AUTS2: variants seen among roughly 807,000 people sequenced by gnomAD.
AUTS2 encodes the protein activator of transcription and developmental regulator AUTS2.
Under a neutral mutation model 112.4 loss-of-function variants are expected in AUTS2, and 17 were observed. The ratio of observed to expected loss-of-function variants is 0.15; its 90% CI spans 0.10 to 0.23. The LOEUF (loss-of-function observed/expected upper bound fraction) is 0.23. Ranked by LOEUF, AUTS2 falls within the 10% of genes least tolerant of loss-of-function variation. The pLI is 1.00. For missense variants in AUTS2, 1,510 were observed against 1,701.6 expected (o/e 0.89, Z 1.98); for synonymous variants, 751 against 702.7 (o/e 1.07, Z -1.09).
chr7:70,478,171 T>G (rs1257981370), intron 5 of AUTS2, among the ~76,000 whole-genome samples: 1 of 152,198 alleles, frequency 6.6e-6, no homozygotes, highest in African/African-American at 2.4e-5. Context: ...TTCTGAAAAG[T>G]AACATGGATT....
chr7:70,676,996 T>C (rs986723521), intron 5 of AUTS2, among the ~76,000 whole-genome samples: 4 of 152,234 alleles, frequency 2.6e-5, no homozygotes, highest in African/African-American at 9.6e-5. Context: ...TAACATTTAA[T>C]ATGTAACCTA....
intron 2 of AUTS2, among the ~76,000 whole-genome samples, chr7:69,928,153 A>C (rs954686671): frequency 1.3e-5 from 2 of 152,186 alleles, no homozygotes; most frequent in African/African-American, 2.4e-5. Flanking sequence ...AGGTAGTCCC[A>C]GTGAGTCCCT....
intron 5 of AUTS2, among the ~76,000 whole-genome samples, chr7:70,524,906 A>G (rs1799780243): frequency 6.6e-6 from 1 of 152,222 alleles, no homozygotes; most frequent in Admixed American, 6.5e-5. Flanking sequence ...GAGAGTGGTA[A>G]AAGTTTATGT....
intron 2 of AUTS2, among the ~76,000 whole-genome samples, chr7:69,903,993 A>G (rs1404508683): frequency 6.6e-6 from 1 of 152,234 alleles, no homozygotes; most frequent in Non-Finnish European, 1.5e-5. Flanking sequence ...AAAAGTGTCT[A>G]CTGCTTTCTA....
At chr7:70,708,614 T>G (rs1167731712) in intron 6 of AUTS2, among the ~76,000 whole-genome samples, 2 of 151,998 alleles carry the variant, frequency 1.3e-5, no homozygotes, top group African/African-American at 4.8e-5. Flanking sequence ...CCTTAAGACT[T>G]TCTTAGGTGG....
At chr7:70,584,560 C>T (rs1802598070) in intron 5 of AUTS2, among the ~76,000 whole-genome samples, 1 of 152,234 alleles carries the variant, frequency 6.6e-6, no homozygotes, top group Non-Finnish European at 1.5e-5. Flanking sequence ...TGCCTAAATA[C>T]AGAGCCAGAA....
At chr7:70,735,739 C>G (rs770521745) in intron 6 of AUTS2, among the ~76,000 whole-genome samples, 5 of 152,052 alleles carry the variant, frequency 3.3e-5, no homozygotes, top group African/African-American at 4.8e-5. Context: ...TATTAGAATG[C>G]TTGTTAAGAG....
intron 1 of AUTS2, among the ~76,000 whole-genome samples, chr7:69,816,726 T>G (rs1001800948): frequency 2.6e-5 from 4 of 152,218 alleles, no homozygotes; most frequent in Non-Finnish European, 4.4e-5. Context: ...ATTCTTTTTG[T>G]AGATATGAGG....
At chr7:69,735,787 G>T (rs576489427) in intron 1 of AUTS2, among the ~76,000 whole-genome samples, 13 of 152,230 alleles carry the variant, frequency 8.5e-5, no homozygotes, top group Non-Finnish European at 1.5e-4. Flanking sequence ...CTGATTTGCT[G>T]CTGTAGACAG....
intron 4 of AUTS2, among the ~76,000 whole-genome samples, chr7:70,193,979 AT>A (rs1810038261): frequency 6.6e-6 from 1 of 152,228 alleles, no homozygotes; most frequent in South Asian, 2.1e-4. Context: ...TATATTTAAT[AT>A]TCAAAGCACT....
At chr7:69,985,768 T>G (rs1584530440) in intron 2 of AUTS2, among the ~76,000 whole-genome samples, 1 of 152,218 alleles carries the variant, frequency 6.6e-6, no homozygotes, top group Non-Finnish European at 1.5e-5. Flanking sequence ...TTACTTTTTT[T>G]TTTTTTTGAG....
At chr7:69,808,635 T>A (rs1790412816) in intron 1 of AUTS2, among the ~76,000 whole-genome samples, 1 of 152,158 alleles carries the variant, frequency 6.6e-6, no homozygotes. Flanking sequence ...TGTTGCTCAT[T>A]CAGGCAGATG....
chr7:69,960,469 T>C (rs1797384985), intron 2 of AUTS2, among the ~76,000 whole-genome samples: 1 of 152,182 alleles, frequency 6.6e-6, no homozygotes, highest in South Asian at 2.1e-4. Context: ...TTAAAATCAT[T>C]CTGAATTCAT....
intron 2 of AUTS2, among the ~76,000 whole-genome samples, chr7:70,106,980 A>G (rs1804798820): frequency 6.6e-6 from 1 of 152,144 alleles, no homozygotes; most frequent in Admixed American, 6.5e-5. Flanking sequence ...CAAATTACAT[A>G]AAAGTGGCAA....
chr7:69,622,853 A>C (rs577578356), intron 1 of AUTS2, among the ~76,000 whole-genome samples: 1 of 152,302 alleles, frequency 6.6e-6, no homozygotes, highest in Admixed American at 6.5e-5. Context: ...TTTCCAAATA[A>C]TTACACTTTT....
chr7:69,629,054 G>A (rs544296373), intron 1 of AUTS2, among the ~76,000 whole-genome samples: 10 of 152,260 alleles, frequency 6.6e-5, no homozygotes, highest in African/African-American at 1.9e-4. Context: ...GGGAAGTATC[G>A]TTTATGAGAA....
At chr7:70,707,061 G>A (rs1809777468) in intron 6 of AUTS2, among the ~76,000 whole-genome samples, 1 of 152,168 alleles carries the variant, frequency 6.6e-6, no homozygotes, top group Non-Finnish European at 1.5e-5. Flanking sequence ...TCTCTTACAG[G>A]TGCTGTGAGG....
chr7:70,683,355 A>G (rs1189050578), intron 5 of AUTS2, among the ~76,000 whole-genome samples: 1 of 152,212 alleles, frequency 6.6e-6, no homozygotes, highest in East Asian at 1.9e-4. Context: ...TGATCTGACC[A>G]CTGCGTATCA....
intron 5 of AUTS2, among the ~76,000 whole-genome samples, chr7:70,680,838 A>G (rs1202501843): frequency 2.0e-5 from 3 of 152,210 alleles, no homozygotes; most frequent in African/African-American, 7.2e-5. Context: ...AATAAATAGC[A>G]TTCTTTCCCA....
Sources: allele counts gnomAD v4.1 joint callset (sites outside exome capture counted in the v4.1 genomes callset), GRCh38; gene constraint gnomAD v4.1.1; transcripts MANE v1.5; gene names NCBI Gene and HGNC (gene_info 2026-07-23, HGNC 2026-07-21).